Variants in FANCM observed in about 807,000 individuals in gnomAD.
FANCM encodes the protein Fanconi anemia group M protein.
FANCM carries 140 observed loss-of-function variants against 199.5 expected under a neutral mutation model. That is an observed-to-expected ratio of 0.70 (90% CI 0.61 to 0.81). The LOEUF (loss-of-function observed/expected upper bound fraction) is 0.81, where lower values mean the gene tolerates loss of function less well. Among genes scored for constraint, FANCM ranks in the 30% least tolerant of loss-of-function variants. FANCM has a pLI of 0.00. For missense variants in FANCM, 2,410 were observed against 2,421.4 expected (o/e 1.00, Z 0.10); for synonymous variants, 840 against 836.8 (o/e 1.00, Z -0.07).
At chr14:45,160,463 C>T (rs1887518487) in intron 9 of FANCM, among the ~76,000 whole-genome samples, 1 of 151,938 alleles carries the variant, frequency 6.6e-6, no homozygotes, top group African/African-American at 2.4e-5. Flanking sequence ...GCTGGGACTA[C>T]AGGTGCCCAC....
Position 45,196,519 on chromosome 14 carries a change from G to A in FANCM, c.5688G>A (p.Val1896=). Residue 1896 remains valine, a synonymous_variant, in exon 21 of 23, where the codon GTG becomes GTA. Coordinates refer to ENST00000267430, the MANE Select transcript of FANCM (RefSeq NM_020937.4). The part of the protein sequence containing the change: ...HLQSMFERIC[V]IVEKDREKTG... ...AGAGTATGTTTGAAAGAATATGTGT[G>A]ATTGTGGAAAAGGACAGAGAAAAAA... 2 of 1,613,930 alleles carry A rather than the reference G, an allele frequency of 1.2e-6. No individual in the cohort carries two copies. The highest frequency in any genetic ancestry group is 1.7e-6 in the Non-Finnish European group (2 of 1,179,974).
At position 45,151,477 on chromosome 14, in the gene FANCM, G is replaced by A. The variant is rs1886813530; in HGVS notation, c.999G>A (p.Gln333=). Residue 333 remains glutamine (Q), a synonymous_variant, in exon 5 of 23, where the codon CAG becomes CAA. Coordinates refer to ENST00000267430, the MANE Select transcript of FANCM (RefSeq NM_020937.4). Reference sequence around the variant, plus strand: ...ATATCCCAAATCTAACAAAATATCAGATAATTCTGGCAAGAGATCAGTTTA... The same window carrying A: ...ATATCCCAAATCTAACAAAATATCAAATAATTCTGGCAAGAGATCAGTTTA... ...RRDIPNLTKY[Q]IILARDQFRK... is the part of the protein sequence containing the mutation. 6.2e-7 allele frequency: 1 copy of A among 1,612,430 alleles called. No homozygotes were observed. The highest frequency in any genetic ancestry group is 8.5e-7 in the Non-Finnish European group (1 of 1,178,550).
chr14:45,157,629 A>G (rs2139181435), intron 8 of FANCM, among the ~76,000 whole-genome samples: 1 of 152,332 alleles, frequency 6.6e-6, no homozygotes, highest in Non-Finnish European at 1.5e-5. Flanking sequence ...TGAAGGAGAT[A>G]CAGGTTTTGT....
intron 9 of FANCM, among the ~76,000 whole-genome samples, chr14:45,162,810 A>G (rs983753465): frequency 1.3e-5 from 2 of 152,150 alleles, no homozygotes; most frequent in African/African-American, 4.8e-5. Flanking sequence ...GAAAATTGAC[A>G]TTCTTTATTA....
Position 45,194,855 on chromosome 14 carries a change from A to G in FANCM, c.5341-1317A>G, listed in dbSNP as rs150874633. On this transcript the variant is annotated intron_variant, in intron 20 of 22. Transcript: ENST00000267430. ...GAGGCAGAGCCTCGCTCCGTAGCCC[A>G]GGCTGGAGTGCAGTGGCGTGATCTC... Among the ~76,000 whole-genome samples the G allele has an allele frequency of 3.0e-3, 432 of 144,134 alleles. 3 individuals are homozygous for G. Among genetic ancestry groups the G allele is most frequent in the African/African-American group, 0.011 (418 of 38,590 alleles). 94.6% of individuals were successfully genotyped at this position (144,134 alleles called of 152,430 possible).
At chr14:45,172,170 T>C (rs1888383268) in intron 12 of FANCM, among the ~76,000 whole-genome samples, 2 of 152,168 alleles carry the variant, frequency 1.3e-5, no homozygotes, top group East Asian at 3.8e-4. Context: ...AGATTCTGGA[T>C]ATTAATCCTT....
chr14:45,147,327 G>GTA (rs1886474837), intron 3 of FANCM, among the ~76,000 whole-genome samples: 1 of 96,364 alleles, frequency 1.0e-5, no homozygotes, highest in African/African-American at 4.0e-5. Flanking sequence ...TTTTTTTTTT[G>GTA]GAGACAGGGT....
chr14:45,158,916 C>G (rs1887380851), intron 8 of FANCM, among the ~76,000 whole-genome samples, 180 bp from the exon 9 acceptor site: 1 of 152,116 alleles, frequency 6.6e-6, no homozygotes, highest in Admixed American at 6.5e-5. Flanking sequence ...AAGCGATTTC[C>G]CCATCTCAGC....
intron 3 of FANCM, among the ~76,000 whole-genome samples, chr14:45,142,225 T>C (rs982799055): frequency 2.6e-5 from 4 of 152,136 alleles, no homozygotes; most frequent in Non-Finnish European, 5.9e-5. Flanking sequence ...TGTACTTTTC[T>C]GCTCCAGGGT....
At chr14:45,193,898 G>T (rs1181056093) in intron 20 of FANCM, among the ~76,000 whole-genome samples, 1 of 151,986 alleles carries the variant, frequency 6.6e-6, no homozygotes. Flanking sequence ...ATTATTTTGG[G>T]TAGTATTGTC....
intron 9 of FANCM, among the ~76,000 whole-genome samples, chr14:45,159,880 A>C (rs954670643): frequency 6.6e-6 from 1 of 152,126 alleles, no homozygotes; most frequent in Non-Finnish European, 1.5e-5. Flanking sequence ...GCTTTTTATA[A>C]ATTAACTATG....
At chr14:45,183,492 T>C (rs1415543694) in intron 16 of FANCM, among the ~76,000 whole-genome samples, 3 of 152,156 alleles carry the variant, frequency 2.0e-5, no homozygotes, top group Non-Finnish European at 4.4e-5. Context: ...TAAGTCACCA[T>C]AGTGTTTGCA....
intron 18 of FANCM, among the ~76,000 whole-genome samples, chr14:45,186,547 A>T (rs937228496): frequency 1.3e-5 from 2 of 152,222 alleles, no homozygotes; most frequent in African/African-American, 4.8e-5. Flanking sequence ...AAAGTTTCTC[A>T]AAGTTCGTGA....
chr14:45,141,993 A>C (rs62000273), intron 3 of FANCM, among the ~76,000 whole-genome samples: 340 of 152,186 alleles, frequency 2.2e-3, no homozygotes, highest in Non-Finnish European at 4.2e-3. Flanking sequence ...TGATTTTTAA[A>C]AGTTGTTACT....
At chr14:45,140,006 G>T (rs185658177) in intron 2 of FANCM, among the ~76,000 whole-genome samples, 1 of 152,004 alleles carries the variant, frequency 6.6e-6, no homozygotes, top group African/African-American at 2.4e-5. Context: ...AAAATTTTTT[G>T]TGAGCTTTCC....
intron 19 of FANCM, 110 bp from the exon 20 acceptor site, chr14:45,188,692 A>G (rs1483884588): frequency 2.5e-6 from 2 of 810,718 alleles, no homozygotes; most frequent in Non-Finnish European, 4.0e-6. Context: ...CTGAATTAAT[A>G]AAGTAAATTA....
intron 3 of FANCM, among the ~76,000 whole-genome samples, chr14:45,147,178 G>C (rs540415684): frequency 6.6e-6 from 1 of 152,312 alleles, no homozygotes; most frequent in African/African-American, 2.4e-5. Context: ...TAGGCCGCCA[G>C]TGATTATGGT....
Position 45,167,140 on chromosome 14 carries a change from C to A in FANCM, c.1979C>A (p.Ser660Ter). The A allele has an allele frequency of 6.2e-7, 1 of 1,610,836 alleles. No individual in the cohort carries two copies. Among genetic ancestry groups the A allele is most frequent in the South Asian group, 1.1e-5 (1 of 91,006 alleles). The change falls in exon 11 of 23, where the codon TCA becomes TAA. Residue 660 changes from serine to a stop codon, truncating the protein, a stop_gained. Coordinates refer to ENST00000267430, the MANE Select transcript of FANCM (RefSeq NM_020937.4). LOFTEE classifies it high-confidence loss of function. ...EKPSRNLQRKSSIFSYRDGMR... is the reference protein window; with the variant it reads ...EKPSRNLQRK ...CCTTCTCGGAACTTGCAGCGAAAGTCATCTATCTTTTCCTATAGGGATGGT... is the reference window on the plus strand; with the variant it reads ...CCTTCTCGGAACTTGCAGCGAAAGTAATCTATCTTTTCCTATAGGGATGGT...
chr14:45,199,840 T>A (rs778334844), intron 22 of FANCM, 30 bp from the exon 23 acceptor site: 1 of 1,605,270 alleles, frequency 6.2e-7, no homozygotes, highest in South Asian at 1.1e-5. Context: ...AAAGTCCTAG[T>A]GTAATGATTT....
Sources: allele counts gnomAD v4.1 joint callset (sites outside exome capture counted in the v4.1 genomes callset), GRCh38; gene constraint gnomAD v4.1.1; transcripts MANE v1.5; gene names NCBI Gene and HGNC (gene_info 2026-07-23, HGNC 2026-07-21).